Variants in RASSF4 observed in about 807,000 individuals in gnomAD.
The protein encoded by RASSF4 is ras association domain-containing protein 4.
Under a neutral mutation model 41.1 loss-of-function variants are expected in RASSF4, and 38 were observed. The ratio of observed to expected loss-of-function variants is 0.92; its 90% CI spans 0.71 to 1.21. The LOEUF is 1.21. RASSF4 is among the 50% of genes most tolerant of loss of function. The pLI is 0.00. For missense variants in RASSF4, 414 were observed against 419.4 expected (o/e 0.99, Z 0.11); for synonymous variants, 179 against 163.4 (o/e 1.10, Z -0.73).
chr10:44,987,002 G>A (rs559429164), intron 6 of RASSF4, among the ~76,000 whole-genome samples: 1 of 152,330 alleles, frequency 6.6e-6, no homozygotes, highest in South Asian at 2.1e-4. Flanking sequence ...TTCCTACTTG[G>A]AGTTGGTTGG....
chr10:44,964,429 C>T (rs772857952), intron 1 of RASSF4, among the ~76,000 whole-genome samples: 17 of 152,178 alleles, frequency 1.1e-4, no homozygotes, highest in South Asian at 4.1e-4. Context: ...CAGAATGGCA[C>T]GGCTTGGAGG....
At chr10:44,976,978 C>A (rs115939917) in intron 3 of RASSF4, 2,100 of 159,638 alleles carry the variant, frequency 0.013, 48 homozygotes, top group African/African-American at 0.047. Context: ...GGGGGGCTGA[C>A]ACCCCCACTA....
In RASSF4 at chr10:44,990,824, G is replaced by T. The variant is rs375621210; in HGVS notation, c.686-124G>T. ...GGAATCTCTCAGGGCAGCGCTGTTA[G>T]CGAGGTCTGTGTTCTTAGGGTTCCC... On this transcript the variant is annotated intron_variant, in intron 8 of 10. Transcript: ENST00000340258. The T allele has an allele frequency of 1.7e-5, 16 of 944,442 alleles. No individual in the cohort carries two copies. In the South Asian group the frequency reaches 2.1e-4, roughly 13 times the overall value. The allele number at this position is 944,442 out of a possible 1,614,324, so 58.5% of individuals were successfully genotyped here. A position where few individuals can be genotyped will look rare whatever the true frequency, so the allele number is the denominator to read the frequency against.
chr10:44,964,059 A>G lies in RASSF4; in HGVS notation c.-39+4193A>G, dbSNP rs997625151. ...AGAATCACAGTCACCTTCTTCTGTA[A>G]TAACTTTCCCCACAAACACAAAAAA... On this transcript the variant is annotated intron_variant, in intron 1 of 10. Coordinates refer to ENST00000340258, the MANE Select transcript of RASSF4 (RefSeq NM_032023.4). Among the ~76,000 whole-genome samples, 5 of 152,362 alleles carry G rather than the reference A, an allele frequency of 3.3e-5. 1 individual carries two copies. Among genetic ancestry groups the G allele is most frequent in the Admixed American group, 6.5e-5 (1 of 15,306 alleles).
Position 44,993,325 on chromosome 10 carries a change from A to G in RASSF4, c.962A>G (p.Lys321Arg). The G allele has an allele frequency of 1.2e-6, 2 of 1,603,368 alleles. No homozygotes were observed. Among genetic ancestry groups the G allele is most frequent in the Non-Finnish European group, 1.7e-6 (2 of 1,178,688 alleles). The change falls in exon 11 of 11, where the codon AAG becomes AGG. Residue 321 changes from lysine (K) to arginine (R), a missense_variant. Physicochemically the swap from Lys to Arg is conservative, Grantham distance 26 (BLOSUM62 2). Coordinates refer to ENST00000340258, the MANE Select transcript of RASSF4 (RefSeq NM_032023.4). ...CGCCTGGAGCAGCTGGTGGAGGCCA[A>G]GTAACTGGCCAACACCTGCCTCTTC... Reference protein sequence around the residue: ...LQRLEQLVEAK With the variant: ...LQRLEQLVEAR
At chr10:44,992,029 T>C in intron 10 of RASSF4, 27 bp downstream of exon 10, 1 of 1,471,714 alleles carries the variant, frequency 6.8e-7, no homozygotes, top group Non-Finnish European at 9.5e-7. Context: ...CAGACAGTCA[T>C]GGGTCCTGAA....
chr10:44,969,112 G>T (rs61854014), intron 1 of RASSF4, among the ~76,000 whole-genome samples: 4,198 of 90,258 alleles, frequency 0.047, 60 homozygotes, highest in Non-Finnish European at 0.064. Flanking sequence ...GTGTTTTTGT[G>T]TGTGTGTGTG....
In RASSF4 at chr10:44,995,818, C is replaced by T. The variant is rs1842255184; in HGVS notation, c.*2489C>T. ...GCTCCCGCTTTCTTTCTACATAGAG[C>T]TTAGGGTATTTCTCATATGCCCCAT... On this transcript the variant is annotated 3_prime_UTR_variant, in exon 11 of 11. Transcript: ENST00000340258. The T allele has an allele frequency of 6.6e-6, 1 of 152,166 alleles. No homozygotes were observed. Among genetic ancestry groups the T allele is most frequent in the Non-Finnish European group, 1.5e-5 (1 of 68,032 alleles). 9.4% of individuals were successfully genotyped at this position (152,166 alleles called of 1,614,324 possible).
At position 44,982,647 on chromosome 10, in the gene RASSF4, C is replaced by T. The variant is rs375914247; in HGVS notation, c.265C>T (p.Arg89Trp). The stretch of plus-strand genomic sequence containing the variant: ...CCCCTCCACCTCATGGATGCCCAGA[C>T]GGCCTAGCTGCCCTCTGTGAGTACC... ...HLPSTSWMPR[R>W]PSCPLKEPSP... The change falls in exon 4 of 11, where the codon CGG (arginine) becomes TGG (tryptophan). Residue 89 changes from arginine (R) to tryptophan (W), a missense_variant. Arg to Trp is a moderately radical substitution (Grantham distance 101). Transcript: ENST00000340258. 4.3e-5 allele frequency: 70 copies of T among 1,613,054 alleles called. No individual in the cohort carries two copies. Among genetic ancestry groups the T allele is most frequent in the African/African-American group, 1.6e-4 (12 of 74,888 alleles).
chr10:44,975,172 C>A lies in RASSF4; in HGVS notation c.138+3324C>A, dbSNP rs950424635. On this transcript the variant is annotated intron_variant, in intron 3 of 10. Coordinates refer to ENST00000340258, the MANE Select transcript of RASSF4 (RefSeq NM_032023.4). ...CAGTCCCGCTCCTCGGCCCAGGGAC[C>A]CCTCAGCAATGAGAGAAACGGAAGG... Among the ~76,000 whole-genome samples the A allele has an allele frequency of 3.9e-5, 6 of 152,254 alleles. No individual in the cohort carries two copies. The South Asian group carries it at 6.2e-4, about 16-fold the overall frequency.
chr10:44,984,542 G>A (rs1841843984), intron 5 of RASSF4: 3 of 541,146 alleles, frequency 5.5e-6, no homozygotes, highest in South Asian at 5.2e-5. Context: ...AGACAGGGCT[G>A]GGGCCACCAA....
rs1006849325 is a variant in RASSF4 at position 44,995,040 on chromosome 10, G to C, written c.*1711G>C. 2 of 152,288 alleles carry C rather than the reference G, an allele frequency of 1.3e-5. No individual in the cohort carries two copies. Among genetic ancestry groups the C allele is most frequent in the African/African-American group, 4.8e-5 (2 of 41,434 alleles). 9.4% of individuals were successfully genotyped at this position (152,288 alleles called of 1,614,324 possible). On this transcript the variant is annotated 3_prime_UTR_variant, in exon 11 of 11. Transcript: ENST00000340258. Reference sequence around the variant, plus strand: ...GCCCCAAGAATCTTCCAGGCCAGGGGCTCAGGTGGGATGGAAGCAGGGCCT... The same window carrying C: ...GCCCCAAGAATCTTCCAGGCCAGGGCCTCAGGTGGGATGGAAGCAGGGCCT...
chr10:44,984,344 G>T, intron 5 of RASSF4: 1 of 572,906 alleles, frequency 1.7e-6, no homozygotes, highest in South Asian at 2.2e-5. Flanking sequence ...ACAGTGTGGG[G>T]GTGGCCTGAG....
Position 44,989,368 on chromosome 10 carries a change from A to C in RASSF4, c.626A>C (p.Lys209Thr). The part of the protein sequence containing the change: ...TLQVLTLLLN[K>T]FRVEDGPSEF... ...CAGGTGCTCACCCTGCTGCTGAACA[A>C]ATTTAGGGTAAGCCTGGTCAGGAGC... The change falls in exon 7 of 11, where the codon AAA becomes ACA. Residue 209 changes from lysine to threonine, a missense_variant. By Grantham distance (78) the Lys-to-Thr change is moderately conservative. Coordinates refer to ENST00000340258, the MANE Select transcript of RASSF4 (RefSeq NM_032023.4). The C allele has an allele frequency of 6.2e-7, 1 of 1,609,148 alleles. No homozygotes were observed. Among genetic ancestry groups the C allele is most frequent in the Non-Finnish European group, 8.5e-7 (1 of 1,175,686 alleles).
Position 44,984,925 on chromosome 10 carries a change from C to A in RASSF4, c.486C>A (p.Ile162=). Residue 162 remains isoleucine, a synonymous_variant, in exon 6 of 11, where the codon ATC becomes ATA. Transcript: ENST00000340258. ...KCRAPGEAQR[I]RRHRFSINGH... ...GCGCCCCCGGTGAGGCCCAGCGCATCCGGCGACACCGGTTCTCTATCAACG... is the reference window on the plus strand; with the variant it reads ...GCGCCCCCGGTGAGGCCCAGCGCATACGGCGACACCGGTTCTCTATCAACG... 6.2e-7 allele frequency: 1 copy of A among 1,613,326 alleles called. No individual in the cohort carries two copies. Among genetic ancestry groups the A allele is most frequent in the Non-Finnish European group, 8.5e-7 (1 of 1,179,998 alleles).
At chr10:44,968,935 G>T (rs1841017263) in intron 1 of RASSF4, among the ~76,000 whole-genome samples, 1 of 152,106 alleles carries the variant, frequency 6.6e-6, no homozygotes, top group Non-Finnish European at 1.5e-5. Context: ...GAAGGTGGAG[G>T]CAAGGTCAGC....
intron 3 of RASSF4, among the ~76,000 whole-genome samples, chr10:44,980,134 C>G (rs905470694): frequency 6.6e-6 from 1 of 152,060 alleles, no homozygotes; most frequent in East Asian, 1.9e-4. Flanking sequence ...TGGGCAGACC[C>G]CAGACTCCCT....
intron 3 of RASSF4, among the ~76,000 whole-genome samples, chr10:44,974,990 C>T (rs995216228): frequency 9.9e-5 from 15 of 152,226 alleles, no homozygotes; most frequent in Non-Finnish European, 1.3e-4. Flanking sequence ...AAAAGGACCG[C>T]CCGGAAATGT....
Position 44,989,741 on chromosome 10 carries a change from C to A in RASSF4, c.685+20C>A. 6.2e-7 allele frequency: 1 copy of A among 1,612,430 alleles called. No individual in the cohort carries two copies. The highest frequency in any genetic ancestry group is 8.5e-7 in the Non-Finnish European group (1 of 1,178,416). ...CTGGGGGTAAGTACCTGCCCCACTT[C>A]TGGATCGTAAAAGCAAAAGGTCTCT... is the stretch of plus-strand genomic sequence containing the variant. On this transcript the variant is annotated intron_variant, in intron 8 of 10. Transcript: ENST00000340258.
Sources: gnomAD v4.1 joint callset for allele counts (sites outside exome capture counted in the v4.1 genomes callset) on GRCh38, gnomAD v4.1.1 for gene constraint, MANE v1.5 for transcripts, NCBI Gene and HGNC (gene_info 2026-07-23, HGNC 2026-07-21) for gene names.